Variants in ATP2B2 observed in about 807,000 individuals in gnomAD.
The protein encoded by ATP2B2 is plasma membrane calcium-transporting ATPase 2.
In ATP2B2, 15 loss-of-function variants were observed where a neutral mutation model predicts 120.0. That is an observed-to-expected ratio of 0.12 (90% CI 0.08 to 0.19). ATP2B2 has a LOEUF of 0.19. Among genes scored for constraint, ATP2B2 ranks in the 10% least tolerant of loss-of-function variants. The pLI, the probability that ATP2B2 is intolerant of heterozygous loss-of-function variation, is 1.00. For missense variants in ATP2B2, 1,045 were observed against 1,719.8 expected, an observed-to-expected ratio of 0.61 and a Z score of 6.94; for synonymous variants, 694 against 700.3, an observed-to-expected ratio of 0.99 and a Z score of 0.14.
intron 1 of ATP2B2, among the ~76,000 whole-genome samples, chr3:10,470,677 G>A (rs1303406148): frequency 6.6e-6 from 1 of 152,184 alleles, no homozygotes; most frequent in East Asian, 1.9e-4. Context: ...CACTGGCAGA[G>A]TCCTGGGGTT....
intron 1 of ATP2B2, among the ~76,000 whole-genome samples, chr3:10,651,742 T>TG (rs2125667017): frequency 7.8e-6 from 1 of 127,890 alleles, no homozygotes; most frequent in South Asian, 2.3e-4. Flanking sequence ...AATGCATGTA[T>TG]GAATGGATGG....
At chr3:10,617,025 G>A (rs2069408342) in intron 2 of ATP2B2, among the ~76,000 whole-genome samples, 1 of 152,096 alleles carries the variant, frequency 6.6e-6, no homozygotes, top group Non-Finnish European at 1.5e-5. Context: ...AAACAGTTTC[G>A]ATGGCTGCCC....
chr3:10,666,756 C>T (rs2070949282), intron 1 of ATP2B2, among the ~76,000 whole-genome samples: 1 of 152,224 alleles, frequency 6.6e-6, no homozygotes, highest in Non-Finnish European at 1.5e-5. Flanking sequence ...CCTCTTGCTC[C>T]ACTGGAGGAG....
chr3:10,350,591 CA>C lies in ATP2B2; in HGVS notation c.2137-15del. On this transcript the variant is annotated splice_polypyrimidine_tract_variant and intron_variant, in intron 14 of 22. Transcript: ENST00000360273. ...GGCTTCTGGGACCTGGGCAGGAGGG[CA>C]GGGGCCATGGGGGAGGGCACCACCT... 1 of 1,609,578 alleles carries C rather than the reference CA, an allele frequency of 6.2e-7. No individual in the cohort carries two copies. Among genetic ancestry groups the C allele is most frequent in the Non-Finnish European group, 8.5e-7 (1 of 1,179,410 alleles).
chr3:10,468,231 T>C (rs1247932905), intron 1 of ATP2B2, among the ~76,000 whole-genome samples: 2 of 152,190 alleles, frequency 1.3e-5, no homozygotes, highest in East Asian at 3.9e-4. Flanking sequence ...AGCTTCAGCA[T>C]CCACTAAGGG....
intron 8 of ATP2B2, among the ~76,000 whole-genome samples, chr3:10,383,113 C>T (rs373534559): frequency 1.4e-4 from 20 of 143,598 alleles, no homozygotes; most frequent in South Asian, 4.4e-4. Context: ...TTTTAGGGTA[C>T]GTGTGCACCC....
rs553253432 is a variant in ATP2B2 at position 10,493,693 on chromosome 3, T to C, written c.-320+11772A>G. On this transcript the variant is annotated intron_variant, in intron 1 of 22. Coordinates refer to ENST00000360273, the MANE Select transcript of ATP2B2 (RefSeq NM_001001331.4). ...GGCCCCTCCCTTCATCTATTCTACA[T>C]GCATGCACTCAACAGTGTTCTAATG... 3.7e-3 allele frequency among the ~76,000 whole-genome samples: 560 copies of C among 152,292 alleles called. 4 individuals are homozygous for C. Among genetic ancestry groups the C allele is most frequent in the South Asian group, 0.02 (97 of 4,814 alleles).
chr3:10,355,792 G>GT (rs2060700901), intron 14 of ATP2B2, among the ~76,000 whole-genome samples: 1 of 25,320 alleles, frequency 3.9e-5, no homozygotes. Flanking sequence ...TGTCCTTTCC[G>GT]GCCGGGCGCG....
chr3:10,667,116 G>T (rs967335275), intron 1 of ATP2B2, among the ~76,000 whole-genome samples: 1 of 152,188 alleles, frequency 6.6e-6, no homozygotes, highest in African/African-American at 2.4e-5. Context: ...TTCTCTGTCT[G>T]GAGAATGAAG....
intron 2 of ATP2B2, among the ~76,000 whole-genome samples, chr3:10,411,749 G>T (rs1403132656): frequency 6.6e-6 from 1 of 152,222 alleles, no homozygotes; most frequent in Non-Finnish European, 1.5e-5. Flanking sequence ...TGCCCACTTA[G>T]GAGTGGCCCT....
intron 1 of ATP2B2, among the ~76,000 whole-genome samples, chr3:10,698,643 A>G (rs142839225): frequency 1.2e-3 from 187 of 152,280 alleles, no homozygotes; most frequent in African/African-American, 4.4e-3. Flanking sequence ...GTCTCATGTG[A>G]CCAGTCTTCC....
intron 1 of ATP2B2, among the ~76,000 whole-genome samples, chr3:10,640,245 CTCT>C (rs1416649471): frequency 6.6e-6 from 1 of 152,170 alleles, no homozygotes; most frequent in African/African-American, 2.4e-5. Flanking sequence ...ACTGGACTTG[CTCT>C]GAAGGTAGGG....
At chr3:10,493,860 A>C (rs926820440) in intron 1 of ATP2B2, among the ~76,000 whole-genome samples, 3 of 152,192 alleles carry the variant, frequency 2.0e-5, no homozygotes, top group South Asian at 2.1e-4. Flanking sequence ...GGAGACCCTT[A>C]GGTGGGGGTT....
At chr3:10,524,910 T>A (rs2067059893) in intron 3 of ATP2B2, among the ~76,000 whole-genome samples, 1 of 152,164 alleles carries the variant, frequency 6.6e-6, no homozygotes, top group African/African-American at 2.4e-5. Flanking sequence ...ATTTTTTCAC[T>A]TACCTATCCA....
intron 1 of ATP2B2, among the ~76,000 whole-genome samples, chr3:10,655,909 C>T (rs1163025095): frequency 1.3e-5 from 2 of 152,200 alleles, no homozygotes; most frequent in Non-Finnish European, 2.9e-5. Flanking sequence ...ATTTACCATT[C>T]CTTGGTATAT....
rs189206549 is a variant in ATP2B2, at chr3:10,664,275, C to G, written c.-460+43640G>C. Among the ~76,000 whole-genome samples, 15 of 152,132 alleles carry G rather than the reference C, an allele frequency of 9.9e-5. No individual in the cohort carries two copies. In the East Asian group the frequency reaches 2.9e-3, roughly 29 times the overall value. On this transcript the variant is annotated intron_variant, in intron 1 of 21. Transcript: ENST00000646379. ...ATCATTAGAAACCACTTCCTGGAAG[C>G]CCCCTGGGGTCTCACACTAAAGTGG... is the stretch of plus-strand genomic sequence containing the variant.
intron 6 of ATP2B2, among the ~76,000 whole-genome samples, chr3:10,386,954 A>T (rs374970519): frequency 1.3e-4 from 20 of 152,278 alleles, no homozygotes; most frequent in African/African-American, 4.8e-4. Flanking sequence ...TAGCATTTTA[A>T]AAACCACAGA....
At chr3:10,386,431 C>T in intron 7 of ATP2B2, 49 bp downstream of exon 7, 2 of 1,599,302 alleles carry the variant, frequency 1.3e-6, no homozygotes, top group Non-Finnish European at 1.7e-6. Context: ...TGACCAAAGC[C>T]TGCTGCTATT....
At chr3:10,677,342 A>G (rs2071271804) in intron 1 of ATP2B2, among the ~76,000 whole-genome samples, 1 of 152,226 alleles carries the variant, frequency 6.6e-6, no homozygotes, top group Admixed American at 6.5e-5. Context: ...CAAGTCTATG[A>G]CACTCTGGAA....
Sources: allele counts gnomAD v4.1 joint callset (sites outside exome capture counted in the v4.1 genomes callset), GRCh38; gene constraint gnomAD v4.1.1; transcripts MANE v1.5; gene names NCBI Gene and HGNC (gene_info 2026-07-23, HGNC 2026-07-21).